Variants in RAD51B observed in about 807,000 individuals in gnomAD.
RAD51B encodes the protein DNA repair protein RAD51 homolog 2.
RAD51B carries 38 observed loss-of-function variants against 42.2 expected under a neutral mutation model. The ratio of observed to expected loss-of-function variants is 0.90; its 90% confidence interval spans 0.70 to 1.18. RAD51B has a LOEUF of 1.18. RAD51B is among the 50% of genes most tolerant of loss of function. The pLI is 0.00. For synonymous variants in RAD51B, 154 were observed against 145.2 expected (o/e 1.06, Z -0.43); for missense variants, 373 against 400.7 (o/e 0.93, Z 0.59).
chr14:68,339,035 C>A, intron 8 of RAD51B: 2 of 662,498 alleles, frequency 3.0e-6, no homozygotes, highest in Non-Finnish European at 5.6e-6. Context: ...AGACAGCCAG[C>A]TCGATGGGAT....
At chr14:68,293,659 A>C (rs2081557446) in intron 8 of RAD51B, among the ~76,000 whole-genome samples, 2 of 150,456 alleles carry the variant, frequency 1.3e-5, no homozygotes, top group African/African-American at 2.4e-5. Flanking sequence ...TCCCACATCC[A>C]CTCCTTCGAG....
chr14:68,515,007 A>T (rs1886034174), intron 10 of RAD51B, among the ~76,000 whole-genome samples: 1 of 152,220 alleles, frequency 6.6e-6, no homozygotes, highest in South Asian at 2.1e-4. Flanking sequence ...GACCTAGCCC[A>T]GAAAACCTCT....
chr14:68,225,044 G>C (rs1399626074), intron 7 of RAD51B, among the ~76,000 whole-genome samples: 1 of 152,008 alleles, frequency 6.6e-6, no homozygotes, highest in Non-Finnish European at 1.5e-5. Context: ...AAATACAAGA[G>C]AAAGAATGTT....
At chr14:67,859,585 A>T (rs1039921454) in intron 4 of RAD51B, among the ~76,000 whole-genome samples, 3 of 152,222 alleles carry the variant, frequency 2.0e-5, no homozygotes, top group Non-Finnish European at 4.4e-5. Context: ...TAATTAATGA[A>T]CATGTGGGAC....
intron 7 of RAD51B, among the ~76,000 whole-genome samples, chr14:68,005,110 A>C (rs1365553330): frequency 7.8e-6 from 1 of 128,998 alleles, no homozygotes. Flanking sequence ...GCTGGAGTGC[A>C]ATGGCAGATC....
In RAD51B at chr14:68,477,814, C is replaced by T; in HGVS notation, c.*150C>T. On this transcript the variant is annotated 3_prime_UTR_variant, in exon 11 of 11. Coordinates refer to ENST00000471583, the MANE Select transcript of RAD51B (RefSeq NM_133510.4). Reference sequence around the variant, plus strand: ...GATGGTAACAGATTTGCTCCTAAACCATTGAGCTAGCGATTTCAGACCTAG... The same window carrying T: ...GATGGTAACAGATTTGCTCCTAAACTATTGAGCTAGCGATTTCAGACCTAG... 1 of 1,478,226 alleles carries T rather than the reference C, an allele frequency of 6.8e-7. No homozygotes were observed. Among genetic ancestry groups the T allele is most frequent in the Non-Finnish European group, 9.0e-7 (1 of 1,116,288 alleles). 91.6% of individuals were successfully genotyped at this position (1,478,226 alleles called of 1,614,324 possible).
At chr14:67,887,343 T>C (rs1041555491) in intron 7 of RAD51B, 139 bp downstream of exon 7, 3 of 624,602 alleles carry the variant, frequency 4.8e-6, no homozygotes, top group Admixed American at 3.5e-5. Flanking sequence ...TACAGTCTAA[T>C]TGCTATAGCA....
At chr14:68,174,758 T>C (rs948780270) in intron 7 of RAD51B, among the ~76,000 whole-genome samples, 2 of 152,218 alleles carry the variant, frequency 1.3e-5, no homozygotes, top group African/African-American at 4.8e-5. Context: ...TCAACGGGTC[T>C]GCAAACCTAT....
chr14:68,352,108 G>A (rs2082802097), intron 8 of RAD51B, among the ~76,000 whole-genome samples: 1 of 152,182 alleles, frequency 6.6e-6, no homozygotes, highest in Admixed American at 6.5e-5. Flanking sequence ...GAAGAGGTCT[G>A]GGCTGGAGAT....
intron 10 of RAD51B, chr14:68,497,472 G>A (rs866882148): frequency 8.5e-6 from 9 of 1,064,188 alleles, no homozygotes; most frequent in East Asian, 1.0e-4. Context: ...GGTTGTGTTC[G>A]TGGAACACAT....
At chr14:68,126,941 C>T (rs188116696) in intron 7 of RAD51B, among the ~76,000 whole-genome samples, 158 of 152,288 alleles carry the variant, frequency 1.0e-3, no homozygotes, top group African/African-American at 3.7e-3. Context: ...CTCTTCAGAA[C>T]TGAAATAATT....
chr14:68,357,416 A>T (rs2082931765), intron 8 of RAD51B, among the ~76,000 whole-genome samples: 1 of 152,046 alleles, frequency 6.6e-6, no homozygotes, highest in Admixed American at 6.6e-5. Context: ...TGAAGGTTAG[A>T]ATCTTATTCC....
intron 5 of RAD51B, among the ~76,000 whole-genome samples, chr14:67,878,866 C>T (rs2042813527): frequency 6.6e-6 from 1 of 152,070 alleles, no homozygotes; most frequent in Middle Eastern, 3.2e-3. Flanking sequence ...CGCCTGCCAC[C>T]ATGCCTGGCT....
At position 68,233,360 on chromosome 14, in the gene RAD51B, A is replaced by G. The variant is rs564509945; in HGVS notation, c.757-58524A>G. 3.3e-5 allele frequency among the ~76,000 whole-genome samples: 5 copies of G among 152,310 alleles called. No homozygotes were observed. In the East Asian group the frequency reaches 9.6e-4, roughly 29 times the overall value. ...GTCTGAGCCAAGGGCATATATGCTGATTACATTATTTTGTCTGGCTAATAC... is the reference window on the plus strand; with the variant it reads ...GTCTGAGCCAAGGGCATATATGCTGGTTACATTATTTTGTCTGGCTAATAC... On this transcript the variant is annotated intron_variant, in intron 7 of 10. Transcript: ENST00000471583.
intron 10 of RAD51B, among the ~76,000 whole-genome samples, chr14:68,648,336 C>T (rs1892627913): frequency 2.1e-5 from 3 of 140,706 alleles, no homozygotes; most frequent in Admixed American, 1.4e-4. Flanking sequence ...AGGGTGTGTG[C>T]AAGTTGATTT....
intron 10 of RAD51B, among the ~76,000 whole-genome samples, chr14:68,625,608 G>A (rs149648024): frequency 6.6e-6 from 1 of 152,268 alleles, no homozygotes; most frequent in Non-Finnish European, 1.5e-5. Flanking sequence ...GAGTAGCTGG[G>A]CCCACAGAAG....
chr14:67,846,658 C>A (rs1440821875), intron 4 of RAD51B, among the ~76,000 whole-genome samples: 1 of 152,146 alleles, frequency 6.6e-6, no homozygotes, highest in Admixed American at 6.5e-5. Context: ...CTCAGTTGGG[C>A]ATCCGAGGGT....
At chr14:68,423,086 T>C (rs1475122453) in intron 9 of RAD51B, among the ~76,000 whole-genome samples, 2 of 152,208 alleles carry the variant, frequency 1.3e-5, no homozygotes, top group African/African-American at 4.8e-5. Context: ...AAAGGGACCA[T>C]GATTTTGAGA....
intron 7 of RAD51B, among the ~76,000 whole-genome samples, chr14:68,246,395 G>A (rs534347440): frequency 1.3e-5 from 2 of 152,122 alleles, no homozygotes; most frequent in Non-Finnish European, 2.9e-5. Context: ...AATATGCCAG[G>A]GTTTGTACAA....
Sources: gnomAD v4.1 joint callset for allele counts (sites outside exome capture counted in the v4.1 genomes callset) on GRCh38, gnomAD v4.1.1 for gene constraint, MANE v1.5 for transcripts, NCBI Gene and HGNC (gene_info 2026-07-23, HGNC 2026-07-21) for gene names.